The following SYNPO2 variants were observed in gnomAD, a reference collection of about 807,000 sequenced individuals.
The protein encoded by SYNPO2 is synaptopodin 2.
SYNPO2 carries 56 observed loss-of-function variants against 85.0 expected under a neutral mutation model. That is an observed-to-expected ratio of 0.66 (90% CI 0.53 to 0.82). SYNPO2 has a LOEUF of 0.82. Ranked by LOEUF, SYNPO2 falls within the 40% of genes least tolerant of loss-of-function variation. SYNPO2 has a pLI of 0.00. For synonymous variants in SYNPO2, 602 were observed against 591.1 expected (o/e 1.02, Z -0.27); for missense variants, 1,575 against 1,534.2 (o/e 1.03, Z -0.44).
chr4:118,970,195 C>T (rs1735485108), intron 1 of SYNPO2, among the ~76,000 whole-genome samples: 1 of 152,178 alleles, frequency 6.6e-6, no homozygotes, highest in African/African-American at 2.4e-5. Context: ...ATTTCATTCT[C>T]TTAACAATTA....
chr4:118,894,405 C>T (rs1732477408), intron 1 of SYNPO2, among the ~76,000 whole-genome samples: 1 of 152,036 alleles, frequency 6.6e-6, no homozygotes, highest in Non-Finnish European at 1.5e-5. Context: ...TTGGGAAGCT[C>T]CAAAATGATT....
chr4:119,002,889 T>C (rs1037973707), intron 1 of SYNPO2, among the ~76,000 whole-genome samples: 1 of 150,710 alleles, frequency 6.6e-6, no homozygotes, highest in Non-Finnish European at 1.5e-5. Context: ...TTTCCTCTAT[T>C]GTATAGGCCC....
chr4:118,867,257 T>C (rs1436332279), intron 1 of SYNPO2, among the ~76,000 whole-genome samples: 1 of 152,194 alleles, frequency 6.6e-6, no homozygotes, highest in Non-Finnish European at 1.5e-5. Flanking sequence ...ATATATTGAC[T>C]TCATATTTAA....
chr4:118,898,116 C>A (rs1732606119), intron 1 of SYNPO2, among the ~76,000 whole-genome samples: 1 of 152,058 alleles, frequency 6.6e-6, no homozygotes, highest in Non-Finnish European at 1.5e-5. Flanking sequence ...TGGCATGATA[C>A]CTTGTTTTTG....
intron 1 of SYNPO2, among the ~76,000 whole-genome samples, chr4:118,889,983 A>T (rs1005438025): frequency 2.6e-5 from 4 of 152,236 alleles, no homozygotes; most frequent in African/African-American, 9.6e-5. Flanking sequence ...ATCAAATTGC[A>T]AATTATAGTA....
rs1046208506 is a variant in SYNPO2, at chr4:119,057,701, C to T, written c.3553C>T (p.Gln1185Ter). Residue 1185 changes from glutamine (Q) to a stop codon, truncating the protein, a stop_gained, in exon 5 of 5, where the codon CAA (glutamine) becomes TAA (stop). Transcript: ENST00000307142. LOFTEE classifies it low-confidence loss of function (END_TRUNC). The stretch of plus-strand genomic sequence containing the variant: ...GAATGAAAGACTGTCCTATATTCCT[C>T]AAACCCAGAAGGCCTATATGGGCTC... Reference protein sequence around the residue: ...DWNERLSYIPQTQKAYMGSCG... With the variant: ...DWNERLSYIP The T allele has an allele frequency of 6.2e-7, 1 of 1,614,140 alleles. No homozygotes were observed. The highest frequency in any genetic ancestry group is 1.3e-5 in the African/African-American group (1 of 75,044).
intron 1 of SYNPO2, among the ~76,000 whole-genome samples, chr4:118,997,172 G>A (rs1215369838): frequency 1.4e-5 from 2 of 142,312 alleles, no homozygotes; most frequent in Non-Finnish European, 3.0e-5. Context: ...CCCGGGAGGC[G>A]GAGCTTGCAG....
In SYNPO2 at chr4:119,060,585, A is replaced by G. The variant is rs1739380857; in HGVS notation, c.*2651A>G. Reference sequence around the variant, plus strand: ...GATGTAGATGACTATTGTTCTCACTAAAGTTCTAAAATAATAGCAAGTGTA... The same window carrying G: ...GATGTAGATGACTATTGTTCTCACTGAAGTTCTAAAATAATAGCAAGTGTA... On this transcript the variant is annotated 3_prime_UTR_variant, in exon 5 of 5. Coordinates refer to ENST00000307142, the MANE Select transcript of SYNPO2 (RefSeq NM_133477.3). 1 of 152,198 alleles carries G rather than the reference A, an allele frequency of 6.6e-6. No homozygotes were observed. The highest frequency in any genetic ancestry group is 6.5e-5 in the Admixed American group (1 of 15,282). The allele number at this position is 152,198 out of a possible 1,614,324, so 9.4% of individuals were successfully genotyped here.
At chr4:118,925,050 TG>T (rs1733667218) in intron 1 of SYNPO2, among the ~76,000 whole-genome samples, 1 of 152,176 alleles carries the variant, frequency 6.6e-6, no homozygotes, top group Non-Finnish European at 1.5e-5. Context: ...TTGCATGGGA[TG>T]TGCACAGAAA....
intron 1 of SYNPO2, among the ~76,000 whole-genome samples, chr4:118,893,262 T>G (rs1401824491): frequency 6.6e-6 from 1 of 152,152 alleles, no homozygotes; most frequent in African/African-American, 2.4e-5. Context: ...AATTGTATAT[T>G]TTAAGGGAGG....
chr4:118,889,190 G>A, intron 1 of SYNPO2, 49 bp downstream of exon 1: 1 of 1,532,474 alleles, frequency 6.5e-7, no homozygotes, highest in South Asian at 1.2e-5. Flanking sequence ...AGGAAGGAAT[G>A]AAAGCAACCT....
chr4:118,877,213 A>G (rs1300180854), intron 1 of SYNPO2, among the ~76,000 whole-genome samples: 2 of 152,188 alleles, frequency 1.3e-5, no homozygotes, highest in Non-Finnish European at 2.9e-5. Flanking sequence ...ATAAACAAAA[A>G]TCAACTCAAG....
At chr4:119,029,316 G>A (rs1003215998) in intron 3 of SYNPO2, among the ~76,000 whole-genome samples, 1 of 151,998 alleles carries the variant, frequency 6.6e-6, no homozygotes, top group African/African-American at 2.4e-5. Flanking sequence ...AAAAGAGAAA[G>A]AAGAAAACCT....
At chr4:118,959,003 C>T (rs189722658) in intron 1 of SYNPO2, among the ~76,000 whole-genome samples, 75 of 152,102 alleles carry the variant, frequency 4.9e-4, no homozygotes, top group African/African-American at 1.8e-3. Context: ...ACATTTTGAC[C>T]CTACATGGTA....
chr4:118,901,683 A>G (rs1411528461), intron 1 of SYNPO2, among the ~76,000 whole-genome samples: 2 of 152,230 alleles, frequency 1.3e-5, no homozygotes, highest in African/African-American at 2.4e-5. Flanking sequence ...TTAATCAGGC[A>G]TAGTAAAACA....
At chr4:118,896,681 A>G (rs1357117708) in intron 1 of SYNPO2, among the ~76,000 whole-genome samples, 1 of 152,224 alleles carries the variant, frequency 6.6e-6, no homozygotes, top group Admixed American at 6.5e-5. Context: ...CAGAGTCTCA[A>G]CAAACTGTAT....
At chr4:118,861,532 T>C (rs912306775) in intron 1 of SYNPO2, among the ~76,000 whole-genome samples, 1 of 152,194 alleles carries the variant, frequency 6.6e-6, no homozygotes, top group Non-Finnish European at 1.5e-5. Flanking sequence ...AGGTGAGAGA[T>C]ACAGGTCTAG....
At chr4:118,930,501 A>G (rs1733888701) in intron 1 of SYNPO2, among the ~76,000 whole-genome samples, 1 of 152,182 alleles carries the variant, frequency 6.6e-6, no homozygotes, top group African/African-American at 2.4e-5. Flanking sequence ...AAGTCATGGT[A>G]CAGGGTTTTT....
chr4:118,884,129 T>C (rs1732159241), upstream of SYNPO2, among the ~76,000 whole-genome samples: 1 of 152,234 alleles, frequency 6.6e-6, no homozygotes, highest in Non-Finnish European at 1.5e-5. Flanking sequence ...AGTTAGCAAA[T>C]CTGCTCTTTG....
Sources: allele counts gnomAD v4.1 joint callset (sites outside exome capture counted in the v4.1 genomes callset), GRCh38; gene constraint gnomAD v4.1.1; transcripts MANE v1.5; gene names NCBI Gene and HGNC (gene_info 2026-07-23, HGNC 2026-07-21).